Variants in ZMAT4 observed in about 807,000 individuals in gnomAD.
ZMAT4 encodes the protein zinc finger matrin-type 4.
A neutral mutation model predicts 28.7 loss-of-function variants in ZMAT4; 17 were observed. The ratio of observed to expected loss-of-function variants is 0.59; its 90% confidence interval spans 0.41 to 0.89. The LOEUF is 0.89. Among genes scored for constraint, ZMAT4 ranks in the 40% least tolerant of loss-of-function variants. ZMAT4 has a pLI of 0.00. For synonymous variants in ZMAT4, 117 were observed against 109.2 expected (o/e 1.07, Z -0.44); for missense variants, 240 against 283.8 (o/e 0.85, Z 1.11).
intron 6 of ZMAT4, among the ~76,000 whole-genome samples, chr8:40,578,896 C>T (rs1804358464): frequency 6.6e-6 from 1 of 152,150 alleles, no homozygotes; most frequent in African/African-American, 2.4e-5. Context: ...GCTCCCATTC[C>T]AAGCCTAAGT....
Position 40,653,010 on chromosome 8 carries a change from C to A in ZMAT4, c.577+21694G>T, listed in dbSNP as rs566925100. Among the ~76,000 whole-genome samples the A allele has an allele frequency of 2.3e-3, 354 of 151,650 alleles. 3 individuals are homozygous for A. The highest frequency in any genetic ancestry group is 8.3e-3 in the African/African-American group (342 of 41,328). On this transcript the variant is annotated intron_variant, in intron 5 of 6. Transcript: ENST00000297737. The stretch of plus-strand genomic sequence containing the variant: ...ATGACGAGTTAGTGGGTGCAGTGCA[C>A]CAGCATGGCACATGTATACATATGT...
intron 4 of ZMAT4, among the ~76,000 whole-genome samples, chr8:40,677,592 CT>C (rs1197884369): frequency 2.7e-4 from 41 of 152,102 alleles, no homozygotes; most frequent in African/African-American, 9.9e-4. Context: ...AGCTCTGTCC[CT>C]TCTACAGCTT....
At chr8:40,833,539 G>GGAAAAAAAA (rs1357396386) in intron 1 of ZMAT4, among the ~76,000 whole-genome samples, 1 of 72,948 alleles carries the variant, frequency 1.4e-5, no homozygotes, top group African/African-American at 5.5e-5. Flanking sequence ...CTACACTCCA[G>GGAAAAAAAA]CAAAAAAAAA....
At chr8:40,595,283 C>A (rs59717101) in intron 5 of ZMAT4, among the ~76,000 whole-genome samples, 31,221 of 151,934 alleles carry the variant, frequency 0.21, 3,329 homozygotes, top group Middle Eastern at 0.26. Flanking sequence ...AGACTGATCT[C>A]CCAGTAGACT....
chr8:40,809,718 C>T (rs936089285), intron 2 of ZMAT4, among the ~76,000 whole-genome samples: 1 of 151,952 alleles, frequency 6.6e-6, no homozygotes, highest in African/African-American at 2.4e-5. Context: ...TAGATAGATA[C>T]CCCTGCTTTA....
chr8:40,687,588 G>A (rs991058395), intron 4 of ZMAT4, among the ~76,000 whole-genome samples: 2 of 151,994 alleles, frequency 1.3e-5, no homozygotes, highest in African/African-American at 4.8e-5. Flanking sequence ...CACAATTTTT[G>A]AATATTAAAT....
intron 1 of ZMAT4, among the ~76,000 whole-genome samples, chr8:40,858,806 C>T (rs1219490589): frequency 2.6e-5 from 4 of 152,200 alleles, no homozygotes; most frequent in African/African-American, 7.2e-5. Flanking sequence ...CTTCCTGCCC[C>T]TGGTCCTCCA....
intron 4 of ZMAT4, among the ~76,000 whole-genome samples, chr8:40,678,691 A>G (rs932087726): frequency 1.8e-4 from 27 of 152,228 alleles, no homozygotes; most frequent in Admixed American, 6.5e-5. Flanking sequence ...AAATTGGAAC[A>G]GAAGCTCCCA....
chr8:40,782,393 GCAAACAAA>G (rs397695690), intron 2 of ZMAT4, among the ~76,000 whole-genome samples: 63 of 145,152 alleles, frequency 4.3e-4, no homozygotes, highest in African/African-American at 8.6e-4. Context: ...TCGAAAACAA[GCAAACAAA>G]CAAACAAACA....
intron 1 of ZMAT4, among the ~76,000 whole-genome samples, chr8:40,838,234 T>A (rs1354998816): frequency 6.6e-6 from 1 of 152,214 alleles, no homozygotes; most frequent in Non-Finnish European, 1.5e-5. Flanking sequence ...GTTGGCCAGT[T>A]TCCAGGAAAT....
chr8:40,874,150 G>A (rs1043106966), intron 1 of ZMAT4, among the ~76,000 whole-genome samples: 9 of 152,170 alleles, frequency 5.9e-5, no homozygotes, highest in African/African-American at 2.2e-4. Flanking sequence ...CAGACCTGTT[G>A]TCAGCCTCTT....
chr8:40,621,236 C>T (rs897537729), intron 5 of ZMAT4, among the ~76,000 whole-genome samples: 1 of 152,136 alleles, frequency 6.6e-6, no homozygotes, highest in African/African-American at 2.4e-5. Context: ...GGCCAGCACA[C>T]AACAGGGCCA....
At chr8:40,846,897 C>A (rs1012352723) in intron 1 of ZMAT4, among the ~76,000 whole-genome samples, 3 of 152,160 alleles carry the variant, frequency 2.0e-5, no homozygotes, top group African/African-American at 7.2e-5. Context: ...ACACCCTTCC[C>A]AATCCCTTAT....
intron 5 of ZMAT4, among the ~76,000 whole-genome samples, chr8:40,595,372 A>T (rs777607980): frequency 1.2e-4 from 18 of 152,138 alleles, no homozygotes; most frequent in Non-Finnish European, 2.2e-4. Context: ...ACATATATAT[A>T]TGTGTGTATA....
Position 40,707,909 on chromosome 8 carries a change from T to C in ZMAT4, c.193-10508A>G, listed in dbSNP as rs549502984. ...AGACCATTTAATAAATATCTATCGA[T>C]TGATGAAAACTACGTACATACAAAA... On this transcript the variant is annotated intron_variant, in intron 3 of 6. Transcript: ENST00000297737. Among the ~76,000 whole-genome samples the C allele has an allele frequency of 2.6e-5, 4 of 152,252 alleles. No individual in the cohort carries two copies. In the East Asian group the frequency reaches 5.8e-4, roughly 22 times the overall value.
intron 5 of ZMAT4, among the ~76,000 whole-genome samples, chr8:40,657,541 G>GTGTAATT (rs1462337284): frequency 6.6e-6 from 1 of 151,030 alleles, no homozygotes; most frequent in Non-Finnish European, 1.5e-5. Flanking sequence ...CATTCATATT[G>GTGTAATT]TTGCTGACAT....
chr8:40,852,971 A>T (rs948427654), intron 1 of ZMAT4, among the ~76,000 whole-genome samples: 3 of 152,162 alleles, frequency 2.0e-5, no homozygotes, highest in African/African-American at 7.2e-5. Context: ...AAATGTGGTC[A>T]GTTATGTTCC....
intron 3 of ZMAT4, among the ~76,000 whole-genome samples, chr8:40,701,849 A>C (rs1436952233): frequency 6.6e-6 from 1 of 152,108 alleles, no homozygotes; most frequent in African/African-American, 2.4e-5. Flanking sequence ...GCATATTCTT[A>C]GCCACCAAAA....
chr8:40,632,651 G>A (rs866923705), intron 5 of ZMAT4, among the ~76,000 whole-genome samples: 5 of 152,156 alleles, frequency 3.3e-5, no homozygotes, highest in Non-Finnish European at 5.9e-5. Context: ...GGAGAAGCAA[G>A]GAAGGATGAG....
Sources: allele counts gnomAD v4.1 joint callset (sites outside exome capture counted in the v4.1 genomes callset), GRCh38; gene constraint gnomAD v4.1.1; transcripts MANE v1.5; gene names NCBI Gene and HGNC (gene_info 2026-07-23, HGNC 2026-07-21).